Variants in NSUN3 observed in about 807,000 individuals in gnomAD.
NSUN3 encodes the protein tRNA (cytosine(34)-C(5))-methyltransferase, mitochondrial.
In NSUN3, 24 loss-of-function variants were observed where a neutral mutation model predicts 36.8. That is an observed-to-expected ratio of 0.65 (90% CI 0.47 to 0.92). The LOEUF (loss-of-function observed/expected upper bound fraction) is 0.92, where lower values mean the gene tolerates loss of function less well. Among genes scored for constraint, NSUN3 ranks in the 40% least tolerant of loss-of-function variants. The pLI, the probability that NSUN3 is intolerant of heterozygous loss-of-function variation, is 0.00. For missense variants in NSUN3, 381 were observed against 392.8 expected (o/e 0.97, Z 0.25); for synonymous variants, 146 against 145.2 (o/e 1.01, Z -0.04).
At chr3:94,076,450 A>C in intron 2 of NSUN3, 1 of 789,670 alleles carries the variant, frequency 1.3e-6, no homozygotes, top group Non-Finnish European at 2.3e-6. Context: ...CAACTGACCC[A>C]AACAGAGACT....
chr3:94,117,679 GA>G (rs992885398), intron 5 of NSUN3, among the ~76,000 whole-genome samples: 85 of 152,104 alleles, frequency 5.6e-4, no homozygotes, highest in African/African-American at 2.0e-3. Context: ...TCTCTTTTAG[GA>G]GTACTTGGGG....
intron 2 of NSUN3, among the ~76,000 whole-genome samples, chr3:94,077,459 A>G (rs2077251341): frequency 6.6e-6 from 1 of 152,148 alleles, no homozygotes; most frequent in Non-Finnish European, 1.5e-5. Flanking sequence ...TCATAAAATG[A>G]GTTAGGGAGG....
intron 2 of NSUN3, among the ~76,000 whole-genome samples, chr3:94,074,136 T>A (rs1177423191): frequency 1.3e-5 from 2 of 152,200 alleles, no homozygotes; most frequent in Admixed American, 1.3e-4. Flanking sequence ...TTCTGAGGGC[T>A]CTGTTCTGTT....
chr3:94,087,559 G>A (rs1466452916), intron 3 of NSUN3, among the ~76,000 whole-genome samples: 4 of 152,208 alleles, frequency 2.6e-5, no homozygotes, highest in African/African-American at 9.6e-5. Context: ...TTCTAAATGG[G>A]AAAACATTAG....
chr3:94,088,752 A>G (rs543540368), intron 3 of NSUN3, among the ~76,000 whole-genome samples: 44 of 148,612 alleles, frequency 3.0e-4, no homozygotes, highest in African/African-American at 1.0e-3. Context: ...GGGTCACTGC[A>G]GTCTCTGCCT....
At chr3:94,087,256 A>G (rs2077295800) in intron 3 of NSUN3, among the ~76,000 whole-genome samples, 1 of 152,228 alleles carries the variant, frequency 6.6e-6, no homozygotes, top group Non-Finnish European at 1.5e-5. Context: ...TGGAATGTAG[A>G]AGCAATACTA....
intron 2 of NSUN3, among the ~76,000 whole-genome samples, chr3:94,064,899 G>T (rs955909524): frequency 6.6e-6 from 1 of 152,146 alleles, no homozygotes; most frequent in Non-Finnish European, 1.5e-5. Context: ...AAATTTAGAA[G>T]ATAATACAAC....
chr3:94,101,815 G>A (rs757031641), intron 5 of NSUN3, among the ~76,000 whole-genome samples: 36 of 152,022 alleles, frequency 2.4e-4, no homozygotes, highest in Non-Finnish European at 4.0e-4. Flanking sequence ...AATGTATTAC[G>A]AAAAATAAAG....
At chr3:94,080,060 G>T (rs2107243613) in intron 2 of NSUN3, among the ~76,000 whole-genome samples, 1 of 152,202 alleles carries the variant, frequency 6.6e-6, no homozygotes, top group African/African-American at 2.4e-5. Flanking sequence ...CCCCATCTTT[G>T]TGGATATATC....
intron 1 of NSUN3, chr3:94,063,533 T>G (rs748136162): frequency 1.1e-4 from 23 of 216,430 alleles, no homozygotes; most frequent in Admixed American, 2.2e-4. Flanking sequence ...TAAATTAACT[T>G]TTCACTTTAA....
chr3:94,071,880 G>A (rs982279826), intron 2 of NSUN3, among the ~76,000 whole-genome samples: 7 of 152,214 alleles, frequency 4.6e-5, no homozygotes, highest in East Asian at 1.9e-4. Context: ...CTTTGGATTC[G>A]GAAGCCACTT....
At chr3:94,114,535 T>G (rs970075406) in intron 5 of NSUN3, among the ~76,000 whole-genome samples, 1 of 152,232 alleles carries the variant, frequency 6.6e-6, no homozygotes, top group African/African-American at 2.4e-5. Context: ...GAGCATCTTG[T>G]TTGATTTCTG....
rs2077501645 is a variant in NSUN3 at position 94,129,646 on chromosome 3, G to A, written c.*3156G>A. Among the ~76,000 whole-genome samples, 1 of 150,758 alleles carries A rather than the reference G, an allele frequency of 6.6e-6. No homozygotes were observed. On this transcript the variant is annotated 3_prime_UTR_variant, in exon 6 of 6. Transcript: ENST00000314622. ...TTCATGTATCCCCTGAATCTAAAAAGCTGAAATTATTTTTTAATGAGAAGA... is the reference window on the plus strand; with the variant it reads ...TTCATGTATCCCCTGAATCTAAAAAACTGAAATTATTTTTTAATGAGAAGA...
chr3:94,092,834 C>T (rs145047542), intron 3 of NSUN3, among the ~76,000 whole-genome samples: 6 of 145,388 alleles, frequency 4.1e-5, no homozygotes, highest in African/African-American at 1.3e-4. Context: ...GCAGGAGAAT[C>T]GCTTGAACCT....
At chr3:94,067,849 G>C (rs1560028240) in intron 2 of NSUN3, among the ~76,000 whole-genome samples, 1 of 151,902 alleles carries the variant, frequency 6.6e-6, no homozygotes, top group African/African-American at 2.4e-5. Flanking sequence ...TTGAGAGTTT[G>C]TTGTACCCAC....
At chr3:94,095,805 G>A (rs1044022794) in intron 5 of NSUN3, among the ~76,000 whole-genome samples, 1 of 152,000 alleles carries the variant, frequency 6.6e-6, no homozygotes, top group Non-Finnish European at 1.5e-5. Flanking sequence ...GGAGTGCAGT[G>A]GTGCAATCTC....
Position 94,123,668 on chromosome 3 carries a change from A to C in NSUN3, c.744-2543A>C, listed in dbSNP as rs142643183. Reference sequence around the variant, plus strand: ...CTCTGTCACCTCGTCTCAGATTACCACCCCTGGCTCACCTTGCTCCAGCCA... The same window carrying C: ...CTCTGTCACCTCGTCTCAGATTACCCCCCCTGGCTCACCTTGCTCCAGCCA... On this transcript the variant is annotated intron_variant, in intron 5 of 5. Transcript: ENST00000314622. Among the ~76,000 whole-genome samples, 63 of 151,918 alleles carry C rather than the reference A, an allele frequency of 4.1e-4. 1 individual carries two copies. The East Asian group carries it at 0.011, about 27-fold the overall frequency.
At chr3:94,106,864 A>G (rs1383067451) in intron 5 of NSUN3, among the ~76,000 whole-genome samples, 2 of 152,248 alleles carry the variant, frequency 1.3e-5, no homozygotes, top group Non-Finnish European at 2.9e-5. Context: ...AATGAAATGG[A>G]AAGGAAAAGT....
At chr3:94,094,348 T>C (rs1295807456) in intron 4 of NSUN3, 54 bp downstream of exon 4, 3 of 1,501,868 alleles carry the variant, frequency 2.0e-6, no homozygotes, top group Admixed American at 1.9e-5. Flanking sequence ...ACCACTATTA[T>C]GTTGCTTTGT....
Sources: allele counts gnomAD v4.1 joint callset (sites outside exome capture counted in the v4.1 genomes callset), GRCh38; gene constraint gnomAD v4.1.1; transcripts MANE v1.5; gene names NCBI Gene and HGNC (gene_info 2026-07-23, HGNC 2026-07-21).